PROS1: variants seen among roughly 807,000 people sequenced by gnomAD.
PROS1 encodes the protein vitamin K-dependent protein S.
In PROS1, 29 loss-of-function variants were observed where a neutral mutation model predicts 75.9. The observed-to-expected ratio is 0.38, with a 90% CI of 0.28 to 0.52. The LOEUF (loss-of-function observed/expected upper bound fraction) is 0.52, where lower values mean the gene tolerates loss of function less well. Ranked by LOEUF, PROS1 falls within the 20% of genes least tolerant of loss-of-function variation. The probability of loss-of-function intolerance (pLI) is 0.83; values close to 1 mark genes in which losing one functional copy is unlikely to be tolerated. For synonymous variants in PROS1, 245 were observed against 280.6 expected (o/e 0.87, Z 1.27); for missense variants, 680 against 810.3 (o/e 0.84, Z 1.95).
chr3:93,912,027 T>C (rs1458503783), intron 3 of PROS1, among the ~76,000 whole-genome samples: 1 of 152,226 alleles, frequency 6.6e-6, no homozygotes. Flanking sequence ...AAGTTACCTA[T>C]GGCTGCTATG....
At chr3:93,891,272 G>A (rs1197106589) in intron 10 of PROS1, among the ~76,000 whole-genome samples, 2 of 152,112 alleles carry the variant, frequency 1.3e-5, no homozygotes, top group Non-Finnish European at 2.9e-5. Flanking sequence ...TGGCAGCAAT[G>A]ACTCTATACT....
intron 1 of PROS1, among the ~76,000 whole-genome samples, chr3:93,965,007 C>T (rs774296813): frequency 2.6e-5 from 4 of 152,088 alleles, no homozygotes; most frequent in Non-Finnish European, 4.4e-5. Flanking sequence ...AGCTCACACC[C>T]GACCAATCAG....
chr3:93,915,623 A>G (rs1708833867), intron 3 of PROS1, among the ~76,000 whole-genome samples: 1 of 152,184 alleles, frequency 6.6e-6, no homozygotes, highest in South Asian at 2.1e-4. Context: ...GCTACCTTGT[A>G]ACAATGTTGG....
intron 10 of PROS1, among the ~76,000 whole-genome samples, chr3:93,888,479 G>T (rs1443094117): frequency 6.6e-6 from 1 of 152,022 alleles, no homozygotes; most frequent in Non-Finnish European, 1.5e-5. Flanking sequence ...TATATGTGAA[G>T]GTAGTTTATA....
At chr3:93,874,759 T>C (rs186686300) in intron 14 of PROS1, among the ~76,000 whole-genome samples, 1 of 152,282 alleles carries the variant, frequency 6.6e-6, no homozygotes, top group African/African-American at 2.4e-5. Flanking sequence ...AGTTTAAGCA[T>C]TGTTAAATCA....
chr3:93,876,048 C>G (rs886958374), intron 14 of PROS1, among the ~76,000 whole-genome samples: 2 of 152,166 alleles, frequency 1.3e-5, no homozygotes, highest in African/African-American at 4.8e-5. Context: ...TAAAAGTCAT[C>G]CTTATACCTG....
At chr3:93,891,276 C>T (rs1708427537) in intron 10 of PROS1, among the ~76,000 whole-genome samples, 1 of 152,134 alleles carries the variant, frequency 6.6e-6, no homozygotes, top group Non-Finnish European at 1.5e-5. Context: ...AGCAATGACT[C>T]TATACTTCAG....
At chr3:93,955,163 T>C (rs992901641) in intron 1 of PROS1, among the ~76,000 whole-genome samples, 3 of 152,192 alleles carry the variant, frequency 2.0e-5, no homozygotes, top group African/African-American at 7.2e-5. Context: ...TGGAAGACAG[T>C]GTGGCAATTC....
intron 9 of PROS1, among the ~76,000 whole-genome samples, chr3:93,895,621 C>G (rs1187726431): frequency 6.6e-6 from 1 of 152,136 alleles, no homozygotes; most frequent in East Asian, 1.9e-4. Flanking sequence ...TAATCTGTCT[C>G]AAGTATTTTG....
intron 1 of PROS1, among the ~76,000 whole-genome samples, chr3:93,938,726 G>A (rs540399761): frequency 9.9e-5 from 15 of 151,866 alleles, no homozygotes; most frequent in Non-Finnish European, 1.5e-4. Context: ...CATTTCATCC[G>A]TGGACCCAAA....
rs1246801943 is a variant in PROS1 at position 93,952,257 on chromosome 3, C to A, written c.76+21417G>T. ...TAGACATCCACAGAACTCTCCACCC[C>A]AAATCAACAGGATATACATTCTTCT... On this transcript the variant is annotated intron_variant, in intron 1 of 14. Transcript: ENST00000394236. Among the ~76,000 whole-genome samples, 3 of 152,300 alleles carry A rather than the reference C, an allele frequency of 2.0e-5. No individual in the cohort carries two copies. In the East Asian group the frequency reaches 5.8e-4, roughly 29 times the overall value.
chr3:93,901,047 G>A, intron 6 of PROS1, 118 bp from the exon 7 acceptor site: 1 of 1,161,348 alleles, frequency 8.6e-7, no homozygotes, highest in South Asian at 1.4e-5. Context: ...ATAACAGATT[G>A]GCCTTTGGAC....
intron 9 of PROS1, among the ~76,000 whole-genome samples, chr3:93,893,947 T>C (rs1025068393): frequency 6.6e-6 from 1 of 152,174 alleles, no homozygotes; most frequent in African/African-American, 2.4e-5. Flanking sequence ...GGACTTAAAA[T>C]AACATGTGTT....
intron 3 of PROS1, among the ~76,000 whole-genome samples, chr3:93,917,119 C>T (rs909432644): frequency 6.6e-6 from 1 of 152,202 alleles, no homozygotes; most frequent in African/African-American, 2.4e-5. Flanking sequence ...CATACCCCGC[C>T]CCTTTGACAG....
At chr3:93,962,184 C>G (rs773632288) in intron 1 of PROS1, among the ~76,000 whole-genome samples, 1 of 152,044 alleles carries the variant, frequency 6.6e-6, no homozygotes, top group Non-Finnish European at 1.5e-5. Context: ...AGCTCTTACT[C>G]ACCTGAACAA....
chr3:93,963,769 C>T (rs1281760781), intron 1 of PROS1, among the ~76,000 whole-genome samples: 1 of 152,252 alleles, frequency 6.6e-6, no homozygotes, highest in South Asian at 2.1e-4. Flanking sequence ...TATGAGAAGT[C>T]ACTCATCACC....
intron 2 of PROS1, among the ~76,000 whole-genome samples, chr3:93,926,556 C>T (rs886405613): frequency 3.3e-5 from 5 of 152,122 alleles, no homozygotes; most frequent in Non-Finnish European, 4.4e-5. Flanking sequence ...CTCTTGAACC[C>T]GGGAAGTGGG....
chr3:93,968,614 T>C (rs766674653), intron 1 of PROS1, among the ~76,000 whole-genome samples: 21 of 152,106 alleles, frequency 1.4e-4, no homozygotes, highest in Admixed American at 1.3e-4. Flanking sequence ...ACCTACAAAT[T>C]TGGAAACCAA....
At position 93,893,105 on chromosome 3, in the gene PROS1, T is replaced by C; in HGVS notation, c.983A>G (p.Asp328Gly). 1.9e-6 allele frequency: 3 copies of C among 1,613,374 alleles called. No homozygotes were observed. In the African/African-American group the frequency reaches 4.0e-5, roughly 22 times the overall value. Residue 328 changes from aspartate to glycine, a missense_variant, in exon 10 of 15, where the codon GAT becomes GGT. Coordinates refer to ENST00000394236, the MANE Select transcript of PROS1 (RefSeq NM_000313.4). ...GCCTTCTGAATCATATGTCCGGAAA[T>C]CAAATTCTGCTGAAAATCTAAACAA... ...PEISRFSAEF[D>G]FRTYDSEGVI...
Sources: allele counts gnomAD v4.1 joint callset (sites outside exome capture counted in the v4.1 genomes callset), GRCh38; gene constraint gnomAD v4.1.1; transcripts MANE v1.5; gene names NCBI Gene and HGNC (gene_info 2026-07-23, HGNC 2026-07-21).